CLIP1: variants seen among roughly 807,000 people sequenced by gnomAD.
CLIP1 encodes CAP-Gly domain containing linker protein 1.
A neutral mutation model predicts 161.6 loss-of-function variants in CLIP1; 66 were observed. The observed-to-expected ratio is 0.41, with a 90% confidence interval of 0.33 to 0.50. CLIP1 has a LOEUF of 0.50. CLIP1 is among the 20% of genes least tolerant of loss of function. The pLI, the probability that CLIP1 is intolerant of heterozygous loss-of-function variation, is 0.27. For synonymous variants in CLIP1, 598 were observed against 626.2 expected, an observed-to-expected ratio of 0.96 and a Z score of 0.67; for missense variants, 1,376 against 1,702.0, an observed-to-expected ratio of 0.81 and a Z score of 3.37.
At chr12:122,317,527 T>G (rs1458085734) in intron 18 of CLIP1, among the ~76,000 whole-genome samples, 1 of 151,792 alleles carries the variant, frequency 6.6e-6, no homozygotes, top group Non-Finnish European at 1.5e-5. Flanking sequence ...CTGGGATGAG[T>G]GGGGATATGA....
At chr12:122,367,035 A>G (rs1016556961) in intron 3 of CLIP1, among the ~76,000 whole-genome samples, 1 of 152,178 alleles carries the variant, frequency 6.6e-6, no homozygotes, top group African/African-American at 2.4e-5. Context: ...TCATGTGAGC[A>G]GGACACAGCA....
At chr12:122,377,279 A>G in intron 3 of CLIP1, 110 bp downstream of exon 3, 1 of 979,502 alleles carries the variant, frequency 1.0e-6, no homozygotes, top group Non-Finnish European at 1.5e-6. Context: ...AAGTGCTGGG[A>G]TTATAGGTGT....
intron 15 of CLIP1, among the ~76,000 whole-genome samples, chr12:122,330,427 T>A (rs1316613458): frequency 6.6e-6 from 1 of 152,138 alleles, no homozygotes; most frequent in Non-Finnish European, 1.5e-5. Flanking sequence ...TTTTAAGAAG[T>A]AGAAGTCTAA....
Position 122,341,398 on chromosome 12 carries a change from G to A in CLIP1, c.1806C>T (p.Asn602=), listed in dbSNP as rs757595848. The A allele has an allele frequency of 9.9e-5, 159 of 1,613,940 alleles. 1 individual carries two copies. The East Asian group carries it at 2.6e-3, about 26-fold the overall frequency. The stretch of plus-strand genomic sequence containing the variant: ...GCTCCAGCTTGCTTTTCAATGACTC[G>A]TTCTCTTTGGAAAGCTTTTCCGTGG... ...YTATEKLSKE[N]ESLKSKLEHA... Residue 602 remains asparagine, a synonymous_variant, in exon 11 of 26, where the codon AAC becomes AAT. Transcript: ENST00000620786.
chr12:122,328,043 C>A lies in CLIP1; in HGVS notation c.3153G>T (p.Leu1051=). The A allele has an allele frequency of 6.2e-7, 1 of 1,614,194 alleles. No individual in the cohort carries two copies. Reference sequence around the variant, plus strand: ...CCTTCAGCTTGTCCTCTGTGTCCAGCAGCGTCTTCTGGAGGTTCTGTAGGA... The same window carrying A: ...CCTTCAGCTTGTCCTCTGTGTCCAGAAGCGTCTTCTGGAGGTTCTGTAGGA... ...EEILQNLQKT[L]LDTEDKLKGA... is the part of the protein sequence containing the mutation. Residue 1051 remains leucine (L), a synonymous_variant, in exon 17 of 26, where the codon CTG becomes CTT. Coordinates refer to ENST00000620786, the MANE Select transcript of CLIP1 (RefSeq NM_001247997.2).
chr12:122,279,230 A>C lies in CLIP1; in HGVS notation c.3648-85T>G. The C allele has an allele frequency of 1.2e-6, 1 of 808,098 alleles. No homozygotes were observed. Among genetic ancestry groups the C allele is most frequent in the Admixed American group, 2.7e-5 (1 of 36,814 alleles). The allele number at this position is 808,098 out of a possible 1,614,324, so 50.1% of individuals were successfully genotyped here. On this transcript the variant is annotated intron_variant, in intron 21 of 25. Coordinates refer to ENST00000620786, the MANE Select transcript of CLIP1 (RefSeq NM_001247997.2). This position sits in a 1 kb window ranked among gnomAD's most constrained non-coding sequence, Gnocchi z 4.5. ...CTGTTCTAGAACAAACACATAATTA[A>C]TGTTAGTTAATGTAAAAAAAAAAAT...
At chr12:122,337,462 G>GA (rs111344823) in intron 11 of CLIP1, among the ~76,000 whole-genome samples, 153 of 143,876 alleles carry the variant, frequency 1.1e-3, no homozygotes, top group Admixed American at 1.7e-3. Context: ...AAAAAAAAAA[G>GA]AAAGAAAAGA....
At chr12:122,361,371 C>T (rs1953798427) in intron 4 of CLIP1, among the ~76,000 whole-genome samples, 190 bp from the exon 5 acceptor site, 1 of 152,196 alleles carries the variant, frequency 6.6e-6, no homozygotes, top group Non-Finnish European at 1.5e-5. Flanking sequence ...TGGTTTAGAA[C>T]ACACACTGGT....
chr12:122,387,682 C>T (rs1593221321), intron 1 of CLIP1, among the ~76,000 whole-genome samples: 1 of 146,308 alleles, frequency 6.8e-6, no homozygotes, highest in African/African-American at 2.5e-5. Flanking sequence ...TCACTGTAGC[C>T]TCAACCTCCT....
intron 20 of CLIP1, among the ~76,000 whole-genome samples, chr12:122,298,067 A>G (rs1193974287): frequency 6.6e-6 from 1 of 152,182 alleles, no homozygotes; most frequent in African/African-American, 2.4e-5. Context: ...CTGGGCCTGC[A>G]TCATGGCTCA....
intron 21 of CLIP1, among the ~76,000 whole-genome samples, chr12:122,281,912 A>ACT (rs1955664549): frequency 6.6e-6 from 1 of 152,124 alleles, no homozygotes; most frequent in Admixed American, 6.6e-5. Flanking sequence ...TATAATCAGG[A>ACT]CTCTATTTGG....
chr12:122,347,584 C>A, intron 9 of CLIP1, 105 bp from the exon 10 acceptor site: 1 of 813,122 alleles, frequency 1.2e-6, no homozygotes, highest in Non-Finnish European at 2.1e-6. Flanking sequence ...GTACCTTCTG[C>A]CAAAGGGTGA....
intron 1 of CLIP1, among the ~76,000 whole-genome samples, chr12:122,415,339 G>A (rs1367574075): frequency 4.6e-5 from 7 of 151,768 alleles, no homozygotes; most frequent in East Asian, 3.9e-4. Flanking sequence ...AAAATTAGCC[G>A]GGTGTGGTGG....
At chr12:122,394,906 G>A (rs867127684) in intron 1 of CLIP1, among the ~76,000 whole-genome samples, 4 of 152,054 alleles carry the variant, frequency 2.6e-5, no homozygotes, top group Admixed American at 1.3e-4. Flanking sequence ...AACCCTCAGA[G>A]ACTAGCTTTC....
At chr12:122,397,890 G>A (rs1403468621) in intron 1 of CLIP1, among the ~76,000 whole-genome samples, 2 of 152,034 alleles carry the variant, frequency 1.3e-5, no homozygotes, top group African/African-American at 4.8e-5. Context: ...AGGAGGCAGA[G>A]GTTGCAGTGA....
chr12:122,406,929 C>CA (rs199764714), intron 1 of CLIP1, among the ~76,000 whole-genome samples: 4,540 of 95,682 alleles, frequency 0.047, 95 homozygotes, highest in African/African-American at 0.091. Context: ...CCTCCATCTG[C>CA]AAAAAAAAAA....
intron 1 of CLIP1, among the ~76,000 whole-genome samples, chr12:122,405,271 G>A (rs539343096): frequency 3.9e-5 from 6 of 152,088 alleles, no homozygotes; most frequent in African/African-American, 9.7e-5. Flanking sequence ...CAAGGGACGC[G>A]TTCTCGCAAG....
intron 3 of CLIP1, among the ~76,000 whole-genome samples, chr12:122,375,590 T>C (rs1378647768): frequency 2.2e-4 from 34 of 152,278 alleles, no homozygotes; most frequent in Non-Finnish European, 1.5e-5. Context: ...CTGCTGGTAT[T>C]ATAGGCATGA....
At position 122,347,341 on chromosome 12, in the gene CLIP1, T is replaced by C. The variant is rs755744428; in HGVS notation, c.1506+34A>G. 12 of 1,466,036 alleles carry C rather than the reference T, an allele frequency of 8.2e-6. No individual in the cohort carries two copies. In the Admixed American group the frequency reaches 8.4e-5, roughly 10 times the overall value. The allele number at this position is 1,466,036 out of a possible 1,614,324, so 90.8% of individuals were successfully genotyped here. On this transcript the variant is annotated intron_variant, in intron 10 of 25. Transcript: ENST00000620786. ...CTGAGGTGTCCACCCTTCACATGCA[T>C]GGGTCTGCTTCATTAAATAGTGAAA...
Sources: gnomAD v4.1 joint callset for allele counts (sites outside exome capture counted in the v4.1 genomes callset) on GRCh38, gnomAD v4.1.1 for gene constraint, Gnocchi (gnomAD v3.1) non-coding constraint, MANE v1.5 for transcripts, NCBI Gene and HGNC (gene_info 2026-07-23, HGNC 2026-07-21) for gene names.